The following GRIP1 variants were observed in gnomAD, a reference collection of about 807,000 sequenced individuals.
GRIP1 encodes glutamate receptor-interacting protein 1.
A neutral mutation model predicts 129.9 loss-of-function variants in GRIP1; 45 were observed. The ratio of observed to expected loss-of-function variants is 0.35; its 90% CI spans 0.27 to 0.44. The LOEUF (loss-of-function observed/expected upper bound fraction) is 0.44, where lower values mean the gene tolerates loss of function less well. GRIP1 is among the 20% of genes least tolerant of loss of function. The pLI is 1.00. For missense variants in GRIP1, 1,196 were observed against 1,396.8 expected, an observed-to-expected ratio of 0.86 and a Z score of 2.29; for synonymous variants, 530 against 520.8, an observed-to-expected ratio of 1.02 and a Z score of -0.24.
rs181750025 is a variant in GRIP1, at chr12:66,726,449, A to G, written c.-420+77604T>C. ...GAAATGACTGCCCTAGACGCCTGAA[A>G]GAATATAGGGCATAACTCCAACAAC... On this transcript the variant is annotated intron_variant, in intron 1 of 4. Transcript: ENST00000538373. Among the ~76,000 whole-genome samples, 102 of 152,314 alleles carry G rather than the reference A, an allele frequency of 6.7e-4. 1 individual carries two copies. The East Asian group carries it at 0.016, about 24-fold the overall frequency.
intron 13 of GRIP1, among the ~76,000 whole-genome samples, chr12:66,440,011 T>C (rs1206220847): frequency 6.6e-6 from 1 of 152,236 alleles, no homozygotes; most frequent in East Asian, 1.9e-4. Flanking sequence ...GGTTTCCTCA[T>C]GCATTCCTCT....
chr12:67,036,935 T>C (rs538227679), intron 1 of GRIP1, among the ~76,000 whole-genome samples: 26 of 152,268 alleles, frequency 1.7e-4, no homozygotes, highest in African/African-American at 6.3e-4. Context: ...CATCTATTTC[T>C]TGAAGCATGA....
chr12:66,419,963 G>C (rs577603350), intron 15 of GRIP1, among the ~76,000 whole-genome samples: 1 of 152,132 alleles, frequency 6.6e-6, no homozygotes, highest in Non-Finnish European at 1.5e-5. Flanking sequence ...CGGGCATGGC[G>C]GTGTGCACCT....
intron 16 of GRIP1, among the ~76,000 whole-genome samples, chr12:66,405,715 C>G (rs2057166756): frequency 6.6e-6 from 1 of 151,828 alleles, no homozygotes; most frequent in Non-Finnish European, 1.5e-5. Flanking sequence ...CATCCTGCTT[C>G]TAGGAATATT....
chr12:66,614,473 G>T (rs1021354846), intron 1 of GRIP1, among the ~76,000 whole-genome samples: 7 of 151,938 alleles, frequency 4.6e-5, no homozygotes, highest in Non-Finnish European at 1.0e-4. Flanking sequence ...AGTTCTGTAT[G>T]CTCTTCCTTA....
chr12:66,466,409 T>C (rs2059287732), intron 7 of GRIP1, among the ~76,000 whole-genome samples: 1 of 152,210 alleles, frequency 6.6e-6, no homozygotes, highest in Non-Finnish European at 1.5e-5. Flanking sequence ...AATGAATGCA[T>C]GAACAAATGA....
At chr12:66,695,955 T>C (rs978233137) in intron 1 of GRIP1, among the ~76,000 whole-genome samples, 2 of 152,028 alleles carry the variant, frequency 1.3e-5, no homozygotes, top group African/African-American at 4.8e-5. Flanking sequence ...AGTCTGTCCA[T>C]GGTGGAGCAG....
At chr12:66,596,501 T>C (rs1264644216) in intron 2 of GRIP1, among the ~76,000 whole-genome samples, 2 of 152,220 alleles carry the variant, frequency 1.3e-5, no homozygotes, top group Non-Finnish European at 2.9e-5. Context: ...CCCTTATTTC[T>C]GCCAGCTATG....
chr12:67,061,863 G>A (rs1024144084), intron 1 of GRIP1, among the ~76,000 whole-genome samples: 1 of 151,918 alleles, frequency 6.6e-6, no homozygotes, highest in South Asian at 2.1e-4. Context: ...GACCGGTGGA[G>A]TGAGGCAATA....
intron 1 of GRIP1, among the ~76,000 whole-genome samples, chr12:67,054,499 C>T (rs932977129): frequency 4.6e-5 from 7 of 152,112 alleles, no homozygotes; most frequent in African/African-American, 1.7e-4. Flanking sequence ...TGCAGTGGCT[C>T]ACACCTGTAA....
chr12:66,917,471 A>G (rs918491512), intron 1 of GRIP1, among the ~76,000 whole-genome samples: 2 of 152,242 alleles, frequency 1.3e-5, no homozygotes, highest in Non-Finnish European at 2.9e-5. Context: ...TTTATGGGAA[A>G]ACTATGCCAC....
upstream of GRIP1, among the ~76,000 whole-genome samples, chr12:66,805,868 T>C (rs2038980102): frequency 2.0e-5 from 3 of 152,122 alleles, no homozygotes; most frequent in South Asian, 6.2e-4. Flanking sequence ...AGGAGTAAGT[T>C]TGTGGAAAGA....
intron 2 of GRIP1, among the ~76,000 whole-genome samples, chr12:66,553,414 T>G (rs1287952712): frequency 6.6e-6 from 1 of 152,062 alleles, no homozygotes; most frequent in Non-Finnish European, 1.5e-5. Flanking sequence ...CTAGGCACTT[T>G]GCTATCTAGC....
chr12:66,474,458 A>G (rs897547696), intron 7 of GRIP1, among the ~76,000 whole-genome samples: 1 of 152,168 alleles, frequency 6.6e-6, no homozygotes, highest in Non-Finnish European at 1.5e-5. Context: ...CCAACATTCA[A>G]ATTCAGGAAA....
intron 7 of GRIP1, among the ~76,000 whole-genome samples, chr12:66,466,173 G>A (rs887032062): frequency 6.6e-6 from 1 of 152,218 alleles, no homozygotes; most frequent in Non-Finnish European, 1.5e-5. Flanking sequence ...AGCCTAAATT[G>A]TAATTTGGTA....
intron 7 of GRIP1, among the ~76,000 whole-genome samples, chr12:66,480,219 A>C (rs915509737): frequency 1.2e-4 from 18 of 152,214 alleles, no homozygotes; most frequent in Non-Finnish European, 1.2e-4. Context: ...ACTTCAGCAA[A>C]GTCTTAGGAT....
At chr12:66,892,501 A>C (rs1383522367) in intron 1 of GRIP1, among the ~76,000 whole-genome samples, 2 of 152,204 alleles carry the variant, frequency 1.3e-5, no homozygotes, top group Admixed American at 1.3e-4. Context: ...ACCATAGTAC[A>C]TCACACAGCT....
intron 2 of GRIP1, among the ~76,000 whole-genome samples, chr12:66,555,289 C>A (rs2062286111): frequency 1.3e-5 from 2 of 152,274 alleles, no homozygotes; most frequent in African/African-American, 2.4e-5. Flanking sequence ...TGGATCTTAT[C>A]CAAAACCACC....
At chr12:66,980,264 C>CA (rs1459961187) in intron 1 of GRIP1, among the ~76,000 whole-genome samples, 1 of 152,196 alleles carries the variant, frequency 6.6e-6, no homozygotes, top group African/African-American at 2.4e-5. Context: ...CTTCAAACAG[C>CA]AATGACAGCT....
Sources: allele counts gnomAD v4.1 joint callset (sites outside exome capture counted in the v4.1 genomes callset), GRCh38; gene constraint gnomAD v4.1.1; transcripts MANE v1.5; gene names NCBI Gene and HGNC (gene_info 2026-07-23, HGNC 2026-07-21).